GRID1: variants seen among roughly 807,000 people sequenced by gnomAD.
GRID1 encodes the protein glutamate receptor ionotropic, delta-1.
In GRID1, 28 loss-of-function variants were observed where a neutral mutation model predicts 98.0. The ratio of observed to expected loss-of-function variants is 0.29; its 90% CI spans 0.21 to 0.39. The LOEUF (loss-of-function observed/expected upper bound fraction) is 0.39, where lower values mean the gene tolerates loss of function less well. GRID1 is among the 10% of genes least tolerant of loss of function. The pLI, the probability that GRID1 is intolerant of heterozygous loss-of-function variation, is 1.00. For missense variants in GRID1, 1,111 were observed against 1,340.5 expected (o/e 0.83, Z 2.67); for synonymous variants, 553 against 538.5 (o/e 1.03, Z -0.37).
intron 15 of GRID1, among the ~76,000 whole-genome samples, chr10:85,609,689 T>C (rs1842712475): frequency 6.6e-6 from 1 of 152,174 alleles, no homozygotes; most frequent in Admixed American, 6.5e-5. Context: ...CTGTGTGCGA[T>C]GGAAACCGGG....
intron 10 of GRID1, among the ~76,000 whole-genome samples, chr10:85,726,234 A>G (rs1021794528): frequency 6.8e-6 from 1 of 146,380 alleles, no homozygotes; most frequent in African/African-American, 2.5e-5. Context: ...AAGTACAATC[A>G]TTTTTTTTTT....
At chr10:85,607,129 C>T (rs1446375486) in intron 15 of GRID1, 2 of 152,188 alleles carry the variant, frequency 1.3e-5, no homozygotes, top group Non-Finnish European at 2.9e-5. Flanking sequence ...GGAACCTCTC[C>T]CAGGCATTGT....
At chr10:85,940,658 T>C (rs563823205) in intron 4 of GRID1, among the ~76,000 whole-genome samples, 14 of 152,200 alleles carry the variant, frequency 9.2e-5, no homozygotes, top group Non-Finnish European at 1.8e-4. Context: ...ACTCATCCAA[T>C]GGATTGCTTT....
chr10:85,776,688 C>G (rs778106586), intron 8 of GRID1, among the ~76,000 whole-genome samples: 5 of 152,232 alleles, frequency 3.3e-5, no homozygotes, highest in Non-Finnish European at 7.3e-5. Flanking sequence ...TGTCAACAAG[C>G]AAATGCTACC....
Position 85,599,802 on chromosome 10 carries a change from A to AAAAATATATATATATATATATATATATAT in GRID1, c.*2470_*2471insATATATATATATATATATATATATATTTT. ...GTAGAAAATTCTAAAAAAAAAAAAA[A>AAAAATATATATATATATATATATATATAT]ATATATATATATATATATAAACATG... On this transcript the variant is annotated 3_prime_UTR_variant, in exon 16 of 16. Coordinates refer to ENST00000327946, the MANE Select transcript of GRID1 (RefSeq NM_017551.3). 6.2e-5 allele frequency: 4 copies of AAAAATATATATATATATATATATATATAT among 64,994 alleles called. No homozygotes were observed. Among genetic ancestry groups the AAAAATATATATATATATATATATATATAT allele is most frequent in the Non-Finnish European group, 1.0e-4 (4 of 38,788 alleles). The allele number at this position is 64,994 out of a possible 1,614,324, so 4.0% of individuals were successfully genotyped here.
intron 4 of GRID1, among the ~76,000 whole-genome samples, chr10:86,020,574 A>G (rs558908232): frequency 1.3e-5 from 2 of 151,722 alleles, no homozygotes; most frequent in African/African-American, 4.8e-5. Flanking sequence ...AATGGAGTCA[A>G]GAGTGTGGAG....
chr10:85,708,149 A>G (rs1194268779), intron 12 of GRID1, among the ~76,000 whole-genome samples: 2 of 658 alleles, frequency 3.0e-3, no homozygotes, highest in Non-Finnish European at 7.1e-3. Context: ...TTAGCCTATA[A>G]TCCCCAGCAC....
At position 85,831,120 on chromosome 10, in the gene GRID1, T is replaced by C. The variant is rs531697285; in HGVS notation, c.1233+23376A>G. On this transcript the variant is annotated intron_variant, in intron 8 of 15. Transcript: ENST00000327946. ...GGTACATATACACCATGGAATACTA[T>C]GTAGCTATAAAAAAAAAATGAGATC... Among the ~76,000 whole-genome samples, 10 of 133,614 alleles carry C rather than the reference T, an allele frequency of 7.5e-5. No individual in the cohort carries two copies. In the East Asian group the frequency reaches 1.8e-3, roughly 24 times the overall value. The allele number at this position is 133,614 out of a possible 152,430, so 87.7% of individuals were successfully genotyped here. A position where few individuals can be genotyped will look rare whatever the true frequency, so the allele number is the denominator to read the frequency against.
intron 13 of GRID1, among the ~76,000 whole-genome samples, chr10:85,633,352 C>T (rs1048006389): frequency 4.6e-5 from 7 of 152,222 alleles, no homozygotes; most frequent in Non-Finnish European, 5.9e-5. Flanking sequence ...ATACGAGAGC[C>T]AAATCCAGTT....
At chr10:85,812,258 C>A (rs1842678540) in intron 8 of GRID1, among the ~76,000 whole-genome samples, 2 of 151,668 alleles carry the variant, frequency 1.3e-5, no homozygotes, top group Non-Finnish European at 2.9e-5. Flanking sequence ...CACAAAATTA[C>A]AAAAATCATA....
At chr10:85,776,173 G>T (rs1842329164) in intron 8 of GRID1, among the ~76,000 whole-genome samples, 1 of 152,160 alleles carries the variant, frequency 6.6e-6, no homozygotes, top group South Asian at 2.1e-4. Flanking sequence ...GGAGGAAATG[G>T]TTGGTGTAAG....
Position 86,177,033 on chromosome 10 carries a change from G to A in GRID1, c.520+29331C>T, listed in dbSNP as rs140217320. ...CTGTGAGACAGCCCCAGGCATGCAC[G>A]GTACAGTTTCCACCGTATCACTGTC... On this transcript the variant is annotated intron_variant, in intron 3 of 15. Transcript: ENST00000327946. 7.8e-4 allele frequency among the ~76,000 whole-genome samples: 119 copies of A among 152,062 alleles called. 1 individual carries two copies. In the Middle Eastern group the frequency reaches 0.01, roughly 13 times the overall value.
intron 12 of GRID1, among the ~76,000 whole-genome samples, chr10:85,658,237 T>C (rs150860098): frequency 6.6e-6 from 1 of 152,298 alleles, no homozygotes; most frequent in Non-Finnish European, 1.5e-5. Context: ...TTCTCCTTCC[T>C]TTCAAATGTC....
chr10:86,340,350 T>C (rs1023771504), intron 2 of GRID1, among the ~76,000 whole-genome samples: 6 of 152,204 alleles, frequency 3.9e-5, no homozygotes, highest in Non-Finnish European at 8.8e-5. Flanking sequence ...CTAACTGGGC[T>C]GTGCTGTGTG....
intron 6 of GRID1, among the ~76,000 whole-genome samples, chr10:85,866,653 A>G (rs1304069566): frequency 6.6e-6 from 1 of 152,160 alleles, no homozygotes. Flanking sequence ...CCAGCTCTGA[A>G]CTGAATGCTT....
At chr10:86,332,313 G>T (rs901357701) in intron 2 of GRID1, among the ~76,000 whole-genome samples, 3 of 152,158 alleles carry the variant, frequency 2.0e-5, no homozygotes, top group Non-Finnish European at 2.9e-5. Context: ...AGAGGAAGAG[G>T]ATGCATTCCT....
rs764444688 is a variant in GRID1, at chr10:85,619,964, C to T, written c.2263G>A (p.Asp755Asn). ...TTGCCGATGACAGTCACCGAGCAGT[C>T]GTCATCCGTCAGGGCTGCGTATTCC... ...VVEYAALTDD[D>N]CSVTVIGNSI... The change falls in exon 14 of 16, where the codon GAC becomes AAC. Residue 755 changes from aspartate to asparagine, a missense_variant. By Grantham distance (23) the Asp-to-Asn change is conservative. Around this residue, in one of 3 missense-constraint regions of GRID1, gnomAD observed 762 missense variants for 869.1 expected, o/e 0.88. Transcript: ENST00000327946. The T allele has an allele frequency of 3.1e-6, 5 of 1,613,980 alleles. No individual in the cohort carries two copies. The highest frequency in any genetic ancestry group is 3.4e-6 in the Non-Finnish European group (4 of 1,179,840).
At chr10:85,910,663 G>A (rs1378914886) in intron 5 of GRID1, among the ~76,000 whole-genome samples, 2 of 152,152 alleles carry the variant, frequency 1.3e-5, no homozygotes, top group African/African-American at 4.8e-5. Context: ...GGTGGCAGAT[G>A]GGGGGTCTCT....
chr10:86,036,471 C>T (rs1259267483), intron 4 of GRID1, among the ~76,000 whole-genome samples: 3 of 152,228 alleles, frequency 2.0e-5, no homozygotes, highest in African/African-American at 7.2e-5. Flanking sequence ...GCCGCAGGCA[C>T]TGTGACCACA....
Sources: gnomAD v4.1 joint callset for allele counts (sites outside exome capture counted in the v4.1 genomes callset) on GRCh38, gnomAD v4.1.1 for gene constraint, gnomAD v4.1.1 regional missense constraint, MANE v1.5 for transcripts, NCBI Gene and HGNC (gene_info 2026-07-23, HGNC 2026-07-21) for gene names.